The following PCDHGB3 variants were observed in gnomAD, a reference collection of about 807,000 sequenced individuals.
PCDHGB3 encodes the protein protocadherin gamma subfamily B, 3.
Under a neutral mutation model 59.2 loss-of-function variants are expected in PCDHGB3, and 40 were observed. That is an observed-to-expected ratio of 0.68 (90% CI 0.52 to 0.88). The LOEUF (loss-of-function observed/expected upper bound fraction) is 0.88. PCDHGB3 is among the 40% of genes least tolerant of loss of function. PCDHGB3 has a pLI of 0.00. For missense variants in PCDHGB3, 1,309 were observed against 1,187.9 expected (o/e 1.10, Z -1.50); for synonymous variants, 581 against 503.6 (o/e 1.15, Z -2.06).
intron 1 of PCDHGB3, chr5:141,399,894 C>T (rs201911174): frequency 1.9e-6 from 3 of 1,612,570 alleles, no homozygotes; most frequent in Non-Finnish European, 2.5e-6. Context: ...AGGTAGTGGC[C>T]GTGGACGCAG....
intron 2 of PCDHGB3, among the ~76,000 whole-genome samples, chr5:141,501,868 C>G (rs1016056445): frequency 1.3e-5 from 2 of 152,120 alleles, no homozygotes; most frequent in African/African-American, 2.4e-5. Flanking sequence ...TCCCAGGACG[C>G]CTCCTTACAC....
At chr5:141,415,259 T>C (rs778452630) in intron 1 of PCDHGB3, 1 of 1,614,108 alleles carries the variant, frequency 6.2e-7, no homozygotes, top group Non-Finnish European at 8.5e-7. Flanking sequence ...GACCTCACTC[T>C]GTACCTGGTG....
At chr5:141,447,284 C>A (rs979564320) in intron 1 of PCDHGB3, among the ~76,000 whole-genome samples, 1 of 152,124 alleles carries the variant, frequency 6.6e-6, no homozygotes, top group African/African-American at 2.4e-5. Context: ...GGACTACAGG[C>A]ACATGCCACC....
intron 1 of PCDHGB3, chr5:141,414,202 G>A: frequency 6.2e-7 from 1 of 1,611,912 alleles, no homozygotes; most frequent in Non-Finnish European, 8.5e-7. Flanking sequence ...TACAGTAGAA[G>A]ATGTAAATGA....
At chr5:141,478,051 G>A (rs751371411) in intron 1 of PCDHGB3, 2 of 1,614,088 alleles carry the variant, frequency 1.2e-6, no homozygotes, top group East Asian at 2.2e-5. Context: ...AGACTCTCAC[G>A]GTCTTGATCA....
chr5:141,410,054 A>C, intron 1 of PCDHGB3: 1 of 1,613,064 alleles, frequency 6.2e-7, no homozygotes. Context: ...CGGACTCTTC[A>C]GCCTGGGGCT....
At chr5:141,385,369 G>T in intron 1 of PCDHGB3, 1 of 1,532,174 alleles carries the variant, frequency 6.5e-7, no homozygotes, top group Admixed American at 2.2e-5. Context: ...TTATTTGCAT[G>T]ATATTTCTCT....
chr5:141,423,484 A>G, intron 1 of PCDHGB3: 1 of 1,613,722 alleles, frequency 6.2e-7, no homozygotes, highest in Non-Finnish European at 8.5e-7. Flanking sequence ...TTTCCTGCAA[A>G]CCTATTCCCA....
chr5:141,410,826 G>T, intron 1 of PCDHGB3: 4 of 379,152 alleles, frequency 1.1e-5, no homozygotes, highest in Non-Finnish European at 9.0e-6. Flanking sequence ...AATGTCACCA[G>T]ACTGAAGATA....
intron 3 of PCDHGB3, among the ~76,000 whole-genome samples, chr5:141,510,354 G>A (rs1311482557): frequency 2.1e-5 from 3 of 146,300 alleles, no homozygotes; most frequent in Non-Finnish European, 4.5e-5. Flanking sequence ...ACTTACTAAC[G>A]GAACTACCGA....
chr5:141,419,571 G>C, intron 1 of PCDHGB3: 1 of 1,611,704 alleles, frequency 6.2e-7, no homozygotes. Context: ...GGTCCCGACG[G>C]CTCCGCGCTC....
chr5:141,492,285 A>T (rs2099739112), intron 1 of PCDHGB3, among the ~76,000 whole-genome samples: 1 of 152,132 alleles, frequency 6.6e-6, no homozygotes, highest in African/African-American at 2.4e-5. Flanking sequence ...CGCCCCGCCA[A>T]CACGTGCGCG....
chr5:141,375,791 G>C (rs374657173), intron 1 of PCDHGB3: 1 of 1,614,232 alleles, frequency 6.2e-7, no homozygotes, highest in Non-Finnish European at 8.5e-7. Flanking sequence ...CCTCCCCACA[G>C]ACGGTTCCAC....
chr5:141,389,274 C>A, intron 1 of PCDHGB3: 1 of 1,614,032 alleles, frequency 6.2e-7, no homozygotes, highest in Non-Finnish European at 8.5e-7. Flanking sequence ...CGAGAACAAC[C>A]CGCCTGGAGC....
rs2099747616 is a variant in PCDHGB3 at position 141,493,318 on chromosome 5, TA to T, written c.2416-1487del. 6.6e-6 allele frequency among the ~76,000 whole-genome samples: 1 copy of T among 152,234 alleles called. No homozygotes were observed. Among genetic ancestry groups the T allele is most frequent in the South Asian group, 2.1e-4 (1 of 4,828 alleles). On this transcript the variant is annotated intron_variant, in intron 1 of 3. Coordinates refer to ENST00000576222, the MANE Select transcript of PCDHGB3 (RefSeq NM_018924.5). This position sits in a 1 kb window ranked among gnomAD's most constrained non-coding sequence, Gnocchi z 4.3. ...TTCACAGAGCAAGTAAGAGAGATTC[TA>T]ACCCCTGTCTAACTCCAGAATGTGT...
Position 141,371,905 on chromosome 5 carries a change from A to G in PCDHGB3, c.1511A>G (p.Tyr504Cys), listed in dbSNP as rs768388601. 1 of 1,613,358 alleles carries G rather than the reference A, an allele frequency of 6.2e-7. No homozygotes were observed. The highest frequency in any genetic ancestry group is 8.5e-7 in the Non-Finnish European group (1 of 1,179,894). Residue 504 changes from tyrosine to cysteine, a missense_variant, in exon 1 of 4, where the codon TAC (tyrosine) becomes TGC (cysteine). Tyr to Cys is a radical substitution (Grantham distance 194, BLOSUM62 -2). Transcript: ENST00000576222. ...SDLEPRELSS[Y>C]VSVSARSGVV... ...CTGGAGCCGCGGGAGCTGTCGTCCT[A>G]CGTGTCCGTGAGCGCGCGGAGCGGG... is the stretch of plus-strand genomic sequence containing the variant.
Position 141,372,450 on chromosome 5 carries a change from G to A in PCDHGB3, c.2056G>A (p.Ala686Thr). The change falls in exon 1 of 4, where the codon GCG becomes ACG. Residue 686 changes from alanine (A) to threonine (T), a missense_variant. Ala to Thr is a moderately conservative substitution (Grantham distance 58). Coordinates refer to ENST00000576222, the MANE Select transcript of PCDHGB3 (RefSeq NM_018924.5). Reference sequence around the variant, plus strand: ...CCGCCCCACTCCCTCTGACCCTCAGGCGGAGCTACAGTTTCACCTAGTAGT... The same window carrying A: ...CCGCCCCACTCCCTCTGACCCTCAGACGGAGCTACAGTTTCACCTAGTAGT... ...SDRPTPSDPQAELQFHLVVAL... is the reference protein window; with the variant it reads ...SDRPTPSDPQTELQFHLVVAL... 6.2e-7 allele frequency: 1 copy of A among 1,614,034 alleles called. No individual in the cohort carries two copies. Among genetic ancestry groups the A allele is most frequent in the South Asian group, 1.1e-5 (1 of 91,090 alleles).
chr5:141,401,641 A>C (rs557366973), intron 1 of PCDHGB3, among the ~76,000 whole-genome samples: 1 of 152,374 alleles, frequency 6.6e-6, no homozygotes, highest in African/African-American at 2.4e-5. Context: ...GGAGCTTTAA[A>C]TATAAATGAC....
Position 141,476,525 on chromosome 5 carries a change from A to T in PCDHGB3, c.2416-18282A>T, listed in dbSNP as rs766638463. On this transcript the variant is annotated intron_variant, in intron 1 of 3. Coordinates refer to ENST00000576222, the MANE Select transcript of PCDHGB3 (RefSeq NM_018924.5). This position sits in a 1 kb window ranked among gnomAD's most constrained non-coding sequence, Gnocchi z 7.6. ...CAACGACAACAATCCTGCTTTCCCTACCCAGGAAATGAAATTGGAGATTAG... is the reference window on the plus strand; with the variant it reads ...CAACGACAACAATCCTGCTTTCCCTTCCCAGGAAATGAAATTGGAGATTAG... The T allele has an allele frequency of 6.2e-7, 1 of 1,614,068 alleles. No homozygotes were observed. The highest frequency in any genetic ancestry group is 2.2e-5 in the East Asian group (1 of 44,854).
Sources: gnomAD v4.1 joint callset for allele counts (sites outside exome capture counted in the v4.1 genomes callset) on GRCh38, gnomAD v4.1.1 for gene constraint, Gnocchi (gnomAD v3.1) non-coding constraint, MANE v1.5 for transcripts, NCBI Gene and HGNC (gene_info 2026-07-23, HGNC 2026-07-21) for gene names.